The following FCHO1 variants were observed in gnomAD, a reference collection of about 807,000 sequenced individuals.
The protein encoded by FCHO1 is FCH and mu domain containing endocytic adaptor 1.
A neutral mutation model predicts 114.4 loss-of-function variants in FCHO1; 45 were observed. The ratio of observed to expected loss-of-function variants is 0.39; its 90% CI spans 0.31 to 0.50. The LOEUF is 0.50. Ranked by LOEUF, FCHO1 falls within the 20% of genes least tolerant of loss-of-function variation. The pLI, the probability that FCHO1 is intolerant of heterozygous loss-of-function variation, is 0.77. For synonymous variants in FCHO1, 480 were observed against 488.9 expected (o/e 0.98, Z 0.24); for missense variants, 1,042 against 1,209.6 (o/e 0.86, Z 2.06).
intron 5 of FCHO1, 74 bp downstream of exon 5, chr19:17,762,927 C>A: frequency 9.8e-7 from 1 of 1,024,970 alleles, no homozygotes; most frequent in Non-Finnish European, 1.5e-6. Context: ...ATGGCTACGC[C>A]CTGCATGGTC....
intron 23 of FCHO1, 29 bp from the exon 24 acceptor site, chr19:17,782,988 C>CCAA: frequency 6.2e-7 from 1 of 1,610,670 alleles, no homozygotes; most frequent in Non-Finnish European, 8.5e-7. Flanking sequence ...GAGCCCTAAG[C>CCAA]CAACACCCAG....
At chr19:17,786,803 A>T (rs937452089) in intron 27 of FCHO1, among the ~76,000 whole-genome samples, 174 bp downstream of exon 27, 3 of 152,104 alleles carry the variant, frequency 2.0e-5, no homozygotes, top group Non-Finnish European at 4.4e-5. Context: ...CTGTAATCCC[A>T]GTGCTTTGGG....
chr19:17,772,056 CTGCCT>C (rs1228492331), intron 9 of FCHO1, among the ~76,000 whole-genome samples: 1 of 152,210 alleles, frequency 6.6e-6, no homozygotes, highest in Non-Finnish European at 1.5e-5. Context: ...GATGATCCAC[CTGCCT>C]TGGCCTCCCA....
At chr19:17,759,659 G>A (rs913946340) in intron 4 of FCHO1, among the ~76,000 whole-genome samples, 20 of 152,134 alleles carry the variant, frequency 1.3e-4, no homozygotes, top group African/African-American at 3.6e-4. Context: ...GAGGCCGGGC[G>A]TGGTGGTTCA....
intron 20 of FCHO1, among the ~76,000 whole-genome samples, chr19:17,780,042 G>A (rs1025617995): frequency 6.6e-5 from 10 of 151,932 alleles, no homozygotes; most frequent in African/African-American, 1.2e-4. Context: ...GTGACCACCC[G>A]AGGTCCCCAG....
Position 17,775,107 on chromosome 19 carries a change from G to A in FCHO1, c.945+27G>A, listed in dbSNP as rs1017022895. Reference sequence around the variant, plus strand: ...TGAGTGATGTGGGAGGGGTCAGGCTGGGCTACAAGTGGAAGGAGTTTGATC... The same window carrying A: ...TGAGTGATGTGGGAGGGGTCAGGCTAGGCTACAAGTGGAAGGAGTTTGATC... On this transcript the variant is annotated intron_variant, in intron 14 of 28. Transcript: ENST00000596536. This position sits in a 1 kb window ranked among gnomAD's most constrained non-coding sequence, Gnocchi z 5.1. The A allele has an allele frequency of 6.2e-7, 1 of 1,607,408 alleles. No homozygotes were observed.
chr19:17,758,188 C>G (rs1345184314), intron 4 of FCHO1, among the ~76,000 whole-genome samples: 2 of 151,762 alleles, frequency 1.3e-5, no homozygotes, highest in African/African-American at 4.8e-5. Context: ...GCACTCCAAC[C>G]TGGGTGACAG....
chr19:17,751,231 T>A (rs2081882839), upstream of FCHO1, among the ~76,000 whole-genome samples: 2 of 152,204 alleles, frequency 1.3e-5, no homozygotes. The surrounding 1 kb of genome is among the most constrained non-coding windows in gnomAD (Gnocchi z 4.4). Context: ...GATGGCAAGA[T>A]GTTGAATGCC....
At chr19:17,764,080 C>T (rs1254311718) in intron 5 of FCHO1, among the ~76,000 whole-genome samples, 3 of 150,750 alleles carry the variant, frequency 2.0e-5, no homozygotes, top group Non-Finnish European at 4.4e-5. Flanking sequence ...TGCTTTGTCA[C>T]CCAAGCTGGA....
chr19:17,779,716 G>A (rs1385426461), intron 20 of FCHO1, among the ~76,000 whole-genome samples: 9 of 120,042 alleles, frequency 7.5e-5, no homozygotes, highest in African/African-American at 2.3e-4. Context: ...GGGAAGGGGC[G>A]GAGACAAGGG....
At position 17,765,234 on chromosome 19, in the gene FCHO1, C is replaced by T. The variant is rs544460971; in HGVS notation, c.194+785C>T. ...ACCCGGGCAAGTGGCTCAGCCAGTGCGAAGGCCCTGAGTTGACAGGCGTGG... is the reference window on the plus strand; with the variant it reads ...ACCCGGGCAAGTGGCTCAGCCAGTGTGAAGGCCCTGAGTTGACAGGCGTGG... On this transcript the variant is annotated intron_variant, in intron 6 of 28. Coordinates refer to ENST00000596536, the MANE Select transcript of FCHO1 (RefSeq NM_015122.3). 2.6e-3 allele frequency among the ~76,000 whole-genome samples: 400 copies of T among 152,086 alleles called. 3 individuals carry two copies. The highest frequency in any genetic ancestry group is 0.02 in the Middle Eastern group (6 of 294).
chr19:17,772,233 C>G (rs2091793020), intron 9 of FCHO1, among the ~76,000 whole-genome samples: 2 of 152,154 alleles, frequency 1.3e-5, no homozygotes, highest in African/African-American at 4.8e-5. Context: ...TCAAACTGGG[C>G]ACCAGCAACC....
chr19:17,783,732 C>T (rs183365810), intron 24 of FCHO1, among the ~76,000 whole-genome samples: 1 of 152,084 alleles, frequency 6.6e-6, no homozygotes, highest in Non-Finnish European at 1.5e-5. Context: ...AGGCATGTGC[C>T]ACCATGCCTG....
In FCHO1 at chr19:17,776,659, G is replaced by A; in HGVS notation, c.1232G>A (p.Arg411Lys). 6.2e-7 allele frequency: 1 copy of A among 1,613,874 alleles called. No homozygotes were observed. Among genetic ancestry groups the A allele is most frequent in the Non-Finnish European group, 8.5e-7 (1 of 1,179,968 alleles). The change falls in exon 18 of 29, where the codon AGA becomes AAA. Residue 411 changes from arginine (R) to lysine (K), a missense_variant. Coordinates refer to ENST00000596536, the MANE Select transcript of FCHO1 (RefSeq NM_015122.3). This position sits in a 1 kb window ranked among gnomAD's most constrained non-coding sequence, Gnocchi z 4.4. ...SSRDAAGKPQ[R>K]PRSAPRTSSC... is the part of the protein sequence containing the mutation. Reference sequence around the variant, plus strand: ...GGGGACGCTGCTGGGAAACCCCAGAGACCTCGGTCTGCCCCCAGAACCAGC... The same window carrying A: ...GGGGACGCTGCTGGGAAACCCCAGAAACCTCGGTCTGCCCCCAGAACCAGC...
upstream of FCHO1, among the ~76,000 whole-genome samples, chr19:17,750,423 T>A (rs900630525): frequency 1.3e-5 from 2 of 152,176 alleles, no homozygotes; most frequent in African/African-American, 4.8e-5. Context: ...TATTAATATA[T>A]TTGTCTTTAT....
chr19:17,786,737 T>G (rs534240699), intron 27 of FCHO1, 108 bp downstream of exon 27: 3 of 1,227,596 alleles, frequency 2.4e-6, no homozygotes, highest in Admixed American at 2.1e-5. Flanking sequence ...CGGGCAAGTA[T>G]GGGCATTGAG....
At chr19:17,764,618 C>T (rs1183653602) in intron 6 of FCHO1, among the ~76,000 whole-genome samples, 169 bp downstream of exon 6, 1 of 152,034 alleles carries the variant, frequency 6.6e-6, no homozygotes, top group Non-Finnish European at 1.5e-5. Flanking sequence ...TTCATTCATT[C>T]CACAAATATT....
chr19:17,773,360 C>G (rs1277037310), intron 11 of FCHO1, among the ~76,000 whole-genome samples: 4 of 152,196 alleles, frequency 2.6e-5, no homozygotes, highest in Non-Finnish European at 5.9e-5. Context: ...GTGCCAGGCA[C>G]ACAGTAGGCA....
chr19:17,760,641 A>T (rs1263023189), intron 4 of FCHO1, among the ~76,000 whole-genome samples: 3 of 152,132 alleles, frequency 2.0e-5, no homozygotes, highest in Non-Finnish European at 4.4e-5. Flanking sequence ...GAGCATTGAC[A>T]TGGATTATCT....
Sources: allele counts gnomAD v4.1 joint callset (sites outside exome capture counted in the v4.1 genomes callset), GRCh38; gene constraint gnomAD v4.1.1; non-coding constraint Gnocchi (gnomAD v3.1); transcripts MANE v1.5; gene names NCBI Gene and HGNC (gene_info 2026-07-23, HGNC 2026-07-21).